AHCTF1: variants seen among roughly 807,000 people sequenced by gnomAD.
AHCTF1 encodes protein ELYS.
A neutral mutation model predicts 248.4 loss-of-function variants in AHCTF1; 24 were observed. The observed-to-expected ratio is 0.10, with a 90% CI of 0.07 to 0.14. The LOEUF is 0.14. AHCTF1 is among the 10% of genes least tolerant of loss of function. AHCTF1 has a pLI of 1.00. For synonymous variants in AHCTF1, 786 were observed against 929.8 expected, an observed-to-expected ratio of 0.85 and a Z score of 2.81; for missense variants, 2,206 against 2,636.2, an observed-to-expected ratio of 0.84 and a Z score of 3.57.
intron 10 of AHCTF1, among the ~76,000 whole-genome samples, chr1:246,899,773 T>C (rs1292675394): frequency 6.6e-6 from 1 of 152,088 alleles, no homozygotes. Flanking sequence ...TAAAAGCTAC[T>C]ATAAAATGCA....
chr1:246,849,663 T>C lies in AHCTF1; in HGVS notation c.6343A>G (p.Asn2115Asp), dbSNP rs759152189. ...ILLPDLSEPNNEPLFSPASEV... is the reference protein window; with the variant it reads ...ILLPDLSEPNDEPLFSPASEV... ...GACGCTGGAGAAAATAAAGGCTCAT[T>C]GTTTGGTTCAGAAAGGTCCGGCAAC... is the stretch of plus-strand genomic sequence containing the variant. The change falls in exon 33 of 36, where the codon AAT (asparagine) becomes GAT (aspartate). Residue 2115 changes from asparagine to aspartate, a missense_variant. Around this residue, in one of 6 missense-constraint regions of AHCTF1, gnomAD observed 469 missense variants for 470.0 expected, o/e 1.00. Coordinates refer to ENST00000648844, the MANE Select transcript of AHCTF1 (RefSeq NM_001323342.2). The C allele has an allele frequency of 7.4e-6, 12 of 1,613,618 alleles. No homozygotes were observed. The African/African-American group carries it at 1.6e-4, about 22-fold the overall frequency.
At chr1:246,892,301 C>CTT (rs74163502) in intron 14 of AHCTF1, among the ~76,000 whole-genome samples, 932 of 64,982 alleles carry the variant, frequency 0.014, 134 homozygotes, top group Middle Eastern at 0.022. Flanking sequence ...ATTTGTTTTA[C>CTT]TTTTTTTTTT....
intron 21 of AHCTF1, among the ~76,000 whole-genome samples, chr1:246,880,272 T>C (rs1281016758): frequency 6.6e-6 from 1 of 151,410 alleles, no homozygotes; most frequent in African/African-American, 2.4e-5. Context: ...TTTTTAAAGT[T>C]TTCCACTTTA....
chr1:246,862,837 TTATG>T (rs2103070247), intron 27 of AHCTF1, among the ~76,000 whole-genome samples: 1 of 152,296 alleles, frequency 6.6e-6, no homozygotes, highest in South Asian at 2.1e-4. Context: ...AATAACCAAA[TTATG>T]TATCAGAATC....
rs114581620 is a variant in AHCTF1, at chr1:246,848,977, C to T, written c.6391+638G>A. 4.6e-3 allele frequency among the ~76,000 whole-genome samples: 698 copies of T among 152,308 alleles called. 5 individuals carry two copies. The highest frequency in any genetic ancestry group is 7.4e-3 in the Non-Finnish European group (504 of 68,032). On this transcript the variant is annotated intron_variant, in intron 33 of 35. Coordinates refer to ENST00000648844, the MANE Select transcript of AHCTF1 (RefSeq NM_001323342.2). ...TTTTTAGACATGTTTAAAGCACCCC[C>T]TATTAAAATTTTATTACTGCAGATA...
At chr1:246,853,959 A>T (rs903561768) in intron 31 of AHCTF1, among the ~76,000 whole-genome samples, 1 of 152,198 alleles carries the variant, frequency 6.6e-6, no homozygotes, top group Non-Finnish European at 1.5e-5. Context: ...GCTTCTCATC[A>T]AATACATAAA....
chr1:246,875,309 C>T (rs1329907101), intron 24 of AHCTF1, among the ~76,000 whole-genome samples: 1 of 152,146 alleles, frequency 6.6e-6, no homozygotes, highest in African/African-American at 2.4e-5. Context: ...TGTCACCTTC[C>T]CTCAGCTGGA....
chr1:246,914,515 C>A (rs1320809048), intron 3 of AHCTF1, among the ~76,000 whole-genome samples: 2 of 152,146 alleles, frequency 1.3e-5, no homozygotes, highest in Non-Finnish European at 2.9e-5. Context: ...ATCACTTTTT[C>A]TTTTCTAATT....
intron 14 of AHCTF1, among the ~76,000 whole-genome samples, chr1:246,893,123 T>C (rs932994779): frequency 2.4e-4 from 36 of 152,298 alleles, no homozygotes; most frequent in African/African-American, 8.2e-4. Context: ...ACTCAATTTA[T>C]GAATTGAGTT....
At position 246,862,019 on chromosome 1, in the gene AHCTF1, T is replaced by G; in HGVS notation, c.3675A>C (p.Arg1225=). 1.5e-5 allele frequency: 25 copies of G among 1,613,832 alleles called. No homozygotes were observed. Among genetic ancestry groups the G allele is most frequent in the Non-Finnish European group, 2.1e-5 (25 of 1,179,810 alleles). ...PSPSPGRSPQ[R]LKETRISFVE... is the part of the protein sequence containing the mutation. ...CAAATGAAATTCTAGTTTCTTTAAGTCGTTGAGGAGACCTTCCAGGTGATG... is the reference window on the plus strand; with the variant it reads ...CAAATGAAATTCTAGTTTCTTTAAGGCGTTGAGGAGACCTTCCAGGTGATG... Residue 1225 remains arginine (R), a synonymous_variant, in exon 28 of 36, where the codon CGA becomes CGC. Transcript: ENST00000648844.
chr1:246,840,456 A>C lies in AHCTF1; in HGVS notation c.*350T>G, dbSNP rs1659777914. ...CATTTTAAGACTGGTCTAGTATTTT[A>C]ATTATAGAGAAAATGAGACCAATGA... is the stretch of plus-strand genomic sequence containing the variant. On this transcript the variant is annotated 3_prime_UTR_variant, in exon 36 of 36. Coordinates refer to ENST00000648844, the MANE Select transcript of AHCTF1 (RefSeq NM_001323342.2). 1 of 154,432 alleles carries C rather than the reference A, an allele frequency of 6.5e-6. No individual in the cohort carries two copies. Among genetic ancestry groups the C allele is most frequent in the Non-Finnish European group, 1.4e-5 (1 of 69,362 alleles). The allele number at this position is 154,432 out of a possible 1,614,324, so 9.6% of individuals were successfully genotyped here. A position where few individuals can be genotyped will look rare whatever the true frequency, so the allele number is the denominator to read the frequency against.
intron 21 of AHCTF1, among the ~76,000 whole-genome samples, chr1:246,884,591 G>C (rs888055833): frequency 2.0e-5 from 3 of 152,140 alleles, no homozygotes; most frequent in Non-Finnish European, 4.4e-5. Flanking sequence ...AGCTTAGTTC[G>C]TAAGAAAACC....
rs1245052671 is a variant in AHCTF1, at chr1:246,907,641, G to C, written c.674C>G (p.Thr225Ser). The C allele has an allele frequency of 3.7e-6, 6 of 1,613,728 alleles. No individual in the cohort carries two copies. In the Admixed American group the frequency reaches 8.3e-5, roughly 22 times the overall value. ...LVSPTGTAVSTLSYISRTNQL... is the reference protein window; with the variant it reads ...LVSPTGTAVSSLSYISRTNQL... ...ATTTGTCCTGCTTATGTAACTAAGA[G>C]TTGAAACAGCTGTTCCTGTTGGACT... is the stretch of plus-strand genomic sequence containing the variant. The change falls in exon 5 of 36, where the codon ACT becomes AGT. Residue 225 changes from threonine (T) to serine (S), a missense_variant. Transcript: ENST00000648844.
chr1:246,870,069 G>T (rs1662468142), intron 24 of AHCTF1, among the ~76,000 whole-genome samples: 1 of 86,602 alleles, frequency 1.2e-5, no homozygotes, highest in Non-Finnish European at 2.0e-5. Flanking sequence ...CATCTTTCAT[G>T]AATAACTTTT....
chr1:246,907,819 T>C (rs1169651576), intron 4 of AHCTF1, 61 bp from the exon 5 acceptor site: 84 of 1,378,092 alleles, frequency 6.1e-5, no homozygotes, highest in Non-Finnish European at 2.0e-6. Context: ...AAAGCAAATA[T>C]GTCATCCATT....
intron 24 of AHCTF1, among the ~76,000 whole-genome samples, chr1:246,868,868 G>A (rs533993175): frequency 2.5e-4 from 35 of 140,250 alleles, no homozygotes; most frequent in South Asian, 6.7e-4. Flanking sequence ...TTTTTGAGAT[G>A]GAGTCTCGCT....
At chr1:246,861,342 T>A (rs1277037748) in intron 28 of AHCTF1, 47 bp from the exon 29 acceptor site, 9 of 1,494,962 alleles carry the variant, frequency 6.0e-6, no homozygotes. Flanking sequence ...AATATCACAG[T>A]TAAGTCTAGT....
At chr1:246,929,938 G>A (rs184101022) in intron 1 of AHCTF1, among the ~76,000 whole-genome samples, 142 of 152,224 alleles carry the variant, frequency 9.3e-4, no homozygotes, top group Non-Finnish European at 1.8e-3. Flanking sequence ...TGTAATCCCA[G>A]CTACTCAGGA....
At chr1:246,857,344 C>T (rs1449387344) in intron 30 of AHCTF1, among the ~76,000 whole-genome samples, 1 of 152,206 alleles carries the variant, frequency 6.6e-6, no homozygotes, top group African/African-American at 2.4e-5. Flanking sequence ...CTGTGCTCTA[C>T]TGTGTCTACC....
Sources: gnomAD v4.1 joint callset for allele counts (sites outside exome capture counted in the v4.1 genomes callset) on GRCh38, gnomAD v4.1.1 for gene constraint, gnomAD v4.1.1 regional missense constraint, MANE v1.5 for transcripts, NCBI Gene and HGNC (gene_info 2026-07-23, HGNC 2026-07-21) for gene names.